TENM2: variants seen among roughly 807,000 people sequenced by gnomAD.
TENM2 encodes teneurin-2.
Under a neutral mutation model 245.2 loss-of-function variants are expected in TENM2, and 52 were observed. That is an observed-to-expected ratio of 0.21 (90% CI 0.17 to 0.27). TENM2 has a LOEUF of 0.27. TENM2 is among the 10% of genes least tolerant of loss of function. TENM2 has a pLI of 1.00. For missense variants in TENM2, 3,046 were observed against 3,666.8 expected (o/e 0.83, Z 4.37); for synonymous variants, 1,363 against 1,438.9 (o/e 0.95, Z 1.19).
chr5:167,506,013 T>G (rs1769517279), intron 2 of TENM2, among the ~76,000 whole-genome samples: 1 of 151,262 alleles, frequency 6.6e-6, no homozygotes, highest in African/African-American at 2.4e-5. Context: ...AGACCCCATG[T>G]TTAATTAAAA....
chr5:167,672,746 G>A (rs1314241970), intron 2 of TENM2, among the ~76,000 whole-genome samples: 1 of 151,978 alleles, frequency 6.6e-6, no homozygotes, highest in Non-Finnish European at 1.5e-5. Flanking sequence ...GTTCACGCAG[G>A]CACCTATTTC....
the TENM2 span, among the ~76,000 whole-genome samples, chr5:167,025,102 C>G: frequency 6.6e-6 from 1 of 151,980 alleles, no homozygotes; most frequent in East Asian, 1.9e-4. Context: ...TCTGTGCAAT[C>G]TAATAGAAAT....
At chr5:167,684,460 G>C (rs1756943654) in intron 2 of TENM2, among the ~76,000 whole-genome samples, 1 of 152,224 alleles carries the variant, frequency 6.6e-6, no homozygotes, top group Non-Finnish European at 1.5e-5. Flanking sequence ...AAATGAGTAA[G>C]TACGTGGGGA....
chr5:167,169,197 G>GT, the TENM2 span, among the ~76,000 whole-genome samples: 1 of 152,054 alleles, frequency 6.6e-6, no homozygotes, highest in Non-Finnish European at 1.5e-5. Context: ...GAGGAGTGGG[G>GT]TTTAATAAAT....
chr5:167,755,095 A>G (rs553651763), intron 2 of TENM2: 1 of 1,598,992 alleles, frequency 6.3e-7, no homozygotes, highest in Non-Finnish European at 8.5e-7. Flanking sequence ...TTGCTGGCAC[A>G]ATTGAATGCA....
rs187250734 is a variant in TENM2 at position 168,051,792 on chromosome 5, G to A, written c.1309+4243G>A. ...TGAAATGCAACTCCCTCATAAGCTT[G>A]CTGTCCATCATAAATGAGATGACCC... On this transcript the variant is annotated intron_variant, in intron 6 of 28. Coordinates refer to ENST00000518659, the Ensembl canonical transcript of TENM2. 1.6e-4 allele frequency among the ~76,000 whole-genome samples: 25 copies of A among 152,258 alleles called. No homozygotes were observed. The East Asian group carries it at 4.6e-3, about 28-fold the overall frequency.
intron 2 of TENM2, among the ~76,000 whole-genome samples, chr5:167,523,872 C>G (rs1201736288): frequency 3.3e-5 from 5 of 152,054 alleles, no homozygotes; most frequent in Non-Finnish European, 7.4e-5. Context: ...GGAAATATTG[C>G]CTATGTTTCT....
chr5:167,578,686 AC>A (rs1192981439), intron 2 of TENM2, among the ~76,000 whole-genome samples: 1 of 152,150 alleles, frequency 6.6e-6, no homozygotes. Flanking sequence ...CTCTCTAAAA[AC>A]ATATATACTT....
intron 2 of TENM2, among the ~76,000 whole-genome samples, chr5:167,758,199 T>C (rs1482522014): frequency 6.6e-6 from 1 of 152,224 alleles, no homozygotes; most frequent in Admixed American, 6.5e-5. Context: ...GTCCCTATAG[T>C]GTCATTATGA....
At chr5:167,228,736 G>A in the TENM2 span, among the ~76,000 whole-genome samples, 2 of 149,476 alleles carry the variant, frequency 1.3e-5, no homozygotes, top group Non-Finnish European at 3.0e-5. Context: ...ATGGAGTCTC[G>A]CTCTGTCGCC....
At chr5:168,122,199 C>T (rs575374248) in intron 10 of TENM2, among the ~76,000 whole-genome samples, 4 of 145,644 alleles carry the variant, frequency 2.7e-5, no homozygotes, top group Non-Finnish European at 4.6e-5. Context: ...TTTTTTGAGA[C>T]GGAGTCTCGC....
rs534242006 is a variant in TENM2 at position 167,469,794 on chromosome 5, G to T, written c.502+94321G>T. 9.6e-4 allele frequency among the ~76,000 whole-genome samples: 146 copies of T among 151,990 alleles called. 1 individual carries two copies. The highest frequency in any genetic ancestry group is 3.2e-3 in the African/African-American group (131 of 41,480). On this transcript the variant is annotated intron_variant, in intron 2 of 28. Coordinates refer to ENST00000518659, the Ensembl canonical transcript of TENM2. The stretch of plus-strand genomic sequence containing the variant: ...TTTTAGCTGTGTGTGTTTATTAAAA[G>T]AAACTAAATAATGGAGACAGCATGG...
chr5:167,375,126 TG>T, intron 1 of TENM2, 71 bp from the exon 4 acceptor site: 2 of 1,490,240 alleles, frequency 1.3e-6, no homozygotes, highest in Non-Finnish European at 1.8e-6. Context: ...GCTGCTTTTT[TG>T]TAAGGATAAA....
chr5:167,542,225 A>T (rs1265837424), intron 2 of TENM2, among the ~76,000 whole-genome samples: 2 of 152,202 alleles, frequency 1.3e-5, no homozygotes, highest in Non-Finnish European at 2.9e-5. Context: ...GAAAGTGATT[A>T]TAACAAAAAA....
At chr5:167,911,996 C>CT (rs1388311304) in intron 3 of TENM2, among the ~76,000 whole-genome samples, 1 of 152,076 alleles carries the variant, frequency 6.6e-6, no homozygotes, top group African/African-American at 2.4e-5. Context: ...ACCTTGCACA[C>CT]TTTTTTTGTA....
intron 2 of TENM2, among the ~76,000 whole-genome samples, chr5:167,516,955 G>A (rs1483959815): frequency 6.6e-6 from 1 of 152,230 alleles, no homozygotes; most frequent in Non-Finnish European, 1.5e-5. Flanking sequence ...TTAGAAAAGT[G>A]CATGGAAAAG....
At chr5:167,600,107 A>ACC (rs1776536845) in intron 2 of TENM2, among the ~76,000 whole-genome samples, 1 of 23,236 alleles carries the variant, frequency 4.3e-5, no homozygotes. Flanking sequence ...GGATACGTGG[A>ACC]ACTCAGAGGA....
intron 2 of TENM2, among the ~76,000 whole-genome samples, chr5:167,757,252 C>A (rs1025783256): frequency 2.6e-5 from 4 of 151,654 alleles, no homozygotes; most frequent in African/African-American, 7.3e-5. Flanking sequence ...GCCTCCCACC[C>A]CCCAACAGGC....
intron 2 of TENM2, among the ~76,000 whole-genome samples, chr5:167,676,840 G>A (rs923300475): frequency 1.3e-5 from 2 of 152,052 alleles, no homozygotes; most frequent in Non-Finnish European, 2.9e-5. Flanking sequence ...CCTTGAAAAC[G>A]TTGTGATTAT....
Sources: gnomAD v4.1 joint callset for allele counts (sites outside exome capture counted in the v4.1 genomes callset) on GRCh38, gnomAD v4.1.1 for gene constraint, MANE v1.5 for transcripts, NCBI Gene and HGNC (gene_info 2026-07-23, HGNC 2026-07-21) for gene names.